The following TMEM164 variants were observed in gnomAD, a reference collection of about 807,000 sequenced individuals.
TMEM164 encodes the protein RP13-360B22.2.
TMEM164 carries 4 observed loss-of-function variants against 18.8 expected under a neutral mutation model. The ratio of observed to expected loss-of-function variants is 0.21; its 90% CI spans 0.10 to 0.49. The LOEUF is 0.49. TMEM164 is among the 20% of genes least tolerant of loss of function. The pLI, the probability that TMEM164 is intolerant of heterozygous loss-of-function variation, is 0.98. For synonymous variants in TMEM164, 86 were observed against 101.7 expected, an observed-to-expected ratio of 0.85 and a Z score of 0.93; for missense variants, 108 against 239.9, an observed-to-expected ratio of 0.45 and a Z score of 3.63.
intron 4 of TMEM164, among the ~76,000 whole-genome samples, chrX:110,134,383 C>A (rs1216702660): frequency 1.8e-5 from 2 of 109,893 alleles, no homozygotes; most frequent in Non-Finnish European, 3.8e-5. Flanking sequence ...AACTCTGTAT[C>A]TACTAAAAAT....
intron 3 of TMEM164, among the ~76,000 whole-genome samples, chrX:110,097,425 A>T (rs572920397): frequency 1.8e-5 from 2 of 113,055 alleles, no homozygotes; most frequent in South Asian, 7.2e-4. Flanking sequence ...TGAAAAACAG[A>T]TGAAGTAGAG....
intron 2 of TMEM164, among the ~76,000 whole-genome samples, chrX:110,021,071 C>T (rs1269116491): frequency 3.8e-5 from 4 of 105,265 alleles, no homozygotes; most frequent in Non-Finnish European, 7.8e-5. Flanking sequence ...CTAAATAGCA[C>T]TTACTCCTGA....
At chrX:110,004,347 G>A (rs993839385) in intron 2 of TMEM164, among the ~76,000 whole-genome samples, 183 bp downstream of exon 2, 9 of 111,401 alleles carry the variant, frequency 8.1e-5, no homozygotes, top group Non-Finnish European at 1.3e-4. Context: ...TGCACAGTGC[G>A]TCAGCCCCAC....
chrX:110,037,805 C>T (rs1934881560), intron 2 of TMEM164, among the ~76,000 whole-genome samples: 1 of 111,716 alleles, frequency 9.0e-6, no homozygotes, highest in Non-Finnish European at 1.9e-5. Flanking sequence ...ATTTTTTAAC[C>T]TTTAAATTAA....
intron 2 of TMEM164, chrX:110,045,980 T>C (rs1383723018): frequency 2.9e-6 from 2 of 696,397 alleles, no homozygotes; most frequent in Admixed American, 8.8e-5. Flanking sequence ...CTCCCTTTTC[T>C]TGAGCCAGCT....
At chrX:110,084,200 C>T (rs2065799563) in intron 3 of TMEM164, among the ~76,000 whole-genome samples, 1 of 105,306 alleles carries the variant, frequency 9.5e-6, no homozygotes, top group African/African-American at 3.5e-5. Flanking sequence ...TTATCAAGTC[C>T]TCACAAAAAT....
chrX:110,013,926 G>A (rs749937351), intron 2 of TMEM164, among the ~76,000 whole-genome samples: 1 of 111,392 alleles, frequency 9.0e-6, no homozygotes, highest in South Asian at 3.8e-4. Context: ...ACAGGCTCTA[G>A]GGTGGTAAAA....
At chrX:110,025,853 CTCT>C (rs746884159) in intron 2 of TMEM164, among the ~76,000 whole-genome samples, 5 of 112,295 alleles carry the variant, frequency 4.5e-5, no homozygotes, top group Non-Finnish European at 5.6e-5. Flanking sequence ...TGTATTTCTT[CTCT>C]TCTTCTGGCT....
intron 2 of TMEM164, among the ~76,000 whole-genome samples, chrX:110,036,694 C>A (rs186387568): frequency 4.5e-5 from 5 of 112,276 alleles, no homozygotes; most frequent in African/African-American, 1.6e-4. Flanking sequence ...CCTAGTCACT[C>A]TTTTTTGTGA....
chrX:110,096,162 C>T (rs757261733), intron 3 of TMEM164, among the ~76,000 whole-genome samples: 321 of 112,388 alleles, frequency 2.9e-3, no homozygotes, highest in Non-Finnish European at 4.8e-3. Context: ...GCAGTCTGTC[C>T]GTTCTCAGAT....
chrX:110,140,157 T>A (rs1341119829), intron 4 of TMEM164, among the ~76,000 whole-genome samples: 1 of 111,106 alleles, frequency 9.0e-6, no homozygotes, highest in Non-Finnish European at 1.9e-5. Flanking sequence ...AGGGTATACA[T>A]GGAGGGGGCC....
intron 2 of TMEM164, among the ~76,000 whole-genome samples, chrX:110,045,592 C>T (rs1011775336): frequency 2.7e-5 from 3 of 111,917 alleles, no homozygotes; most frequent in African/African-American, 9.8e-5. Context: ...TGAGTGGCCA[C>T]CTGTCACCAA....
intron 5 of TMEM164, among the ~76,000 whole-genome samples, chrX:110,168,288 T>C (rs1485088770): frequency 8.8e-6 from 1 of 113,320 alleles, no homozygotes; most frequent in Admixed American, 9.2e-5. Context: ...CATAGCTCTG[T>C]GCATTTTCAC....
chrX:110,042,575 A>G (rs1042547222), intron 2 of TMEM164, among the ~76,000 whole-genome samples: 3 of 111,688 alleles, frequency 2.7e-5, no homozygotes, highest in African/African-American at 9.8e-5. Context: ...TGGTAATTCT[A>G]TGTTTAGCTT....
intron 4 of TMEM164, among the ~76,000 whole-genome samples, chrX:110,115,863 G>A (rs1220798438): frequency 8.9e-6 from 1 of 112,004 alleles, no homozygotes; most frequent in Non-Finnish European, 1.9e-5. Context: ...GTCAAGGCAG[G>A]AGGATTGCTT....
At chrX:110,179,814 T>C (rs1296081475), downstream of TMEM164, among the ~76,000 whole-genome samples, 2 of 112,277 alleles carry the variant, frequency 1.8e-5, no homozygotes, top group African/African-American at 3.2e-5. Context: ...CTCCAGCCCC[T>C]GGCACAGGAC....
intron 4 of TMEM164, among the ~76,000 whole-genome samples, chrX:110,121,086 A>G (rs1021329452): frequency 2.7e-5 from 3 of 112,743 alleles, no homozygotes; most frequent in Non-Finnish European, 5.6e-5. Flanking sequence ...AAAAGATAAC[A>G]ATGAAAAGAT....
At chrX:110,126,860 G>A (rs1388832859) in intron 4 of TMEM164, among the ~76,000 whole-genome samples, 1 of 100,916 alleles carries the variant, frequency 9.9e-6, no homozygotes, top group Non-Finnish European at 2.0e-5. Flanking sequence ...GTGTGTGTGT[G>A]TGTGGTGTTG....
chrX:110,108,123 T>A (rs187677068), intron 3 of TMEM164, among the ~76,000 whole-genome samples: 2 of 104,217 alleles, frequency 1.9e-5, no homozygotes, highest in East Asian at 3.0e-4. Flanking sequence ...TGTGTGTGTG[T>A]GTGATTGAGA....
Sources: allele counts gnomAD v4.1 joint callset (sites outside exome capture counted in the v4.1 genomes callset), GRCh38; gene constraint gnomAD v4.1.1; transcripts MANE v1.5; gene names NCBI Gene and HGNC (gene_info 2026-07-23, HGNC 2026-07-21).